TOPAZ1: variants seen among roughly 807,000 people sequenced by gnomAD.
TOPAZ1 encodes the protein protein TOPAZ1.
Under a neutral mutation model 172.2 loss-of-function variants are expected in TOPAZ1, and 66 were observed. That is an observed-to-expected ratio of 0.38 (90% CI 0.31 to 0.47). The LOEUF is 0.47. TOPAZ1 is among the 20% of genes least tolerant of loss of function. The probability of loss-of-function intolerance (pLI) is 0.99; values close to 1 mark genes in which losing one functional copy is unlikely to be tolerated. For synonymous variants in TOPAZ1, 681 were observed against 683.9 expected, an observed-to-expected ratio of 1.00 and a Z score of 0.07; for missense variants, 1,822 against 1,972.4, an observed-to-expected ratio of 0.92 and a Z score of 1.44.
chr3:44,307,985 C>T (rs941606670), intron 15 of TOPAZ1, among the ~76,000 whole-genome samples: 1 of 152,060 alleles, frequency 6.6e-6, no homozygotes, highest in Non-Finnish European at 1.5e-5. Context: ...TATAAAAATT[C>T]AGACTGGGCC....
At chr3:44,260,961 G>A (rs908485273) in intron 4 of TOPAZ1, among the ~76,000 whole-genome samples, 8 of 151,894 alleles carry the variant, frequency 5.3e-5, no homozygotes, top group African/African-American at 1.9e-4. Context: ...AAAGTTTTAT[G>A]TGTAGATCTG....
intron 16 of TOPAZ1, among the ~76,000 whole-genome samples, chr3:44,314,516 A>G (rs1462844592): frequency 6.6e-6 from 1 of 152,118 alleles, no homozygotes; most frequent in East Asian, 1.9e-4. Flanking sequence ...AGGAATTCCA[A>G]TCCAGGTCTA....
rs1700096614 is a variant in TOPAZ1 at position 44,287,852 on chromosome 3, T to G, written c.3681+13T>G. On this transcript the variant is annotated intron_variant, in intron 11 of 19. Coordinates refer to ENST00000309765, the MANE Select transcript of TOPAZ1 (RefSeq NM_001145030.2). ...TATCTTTTGCAAGGTATGGTTTTAT[T>G]TTCTCTTTTATTCTCTGATGGCGAG... 2 of 1,299,712 alleles carry G rather than the reference T, an allele frequency of 1.5e-6. No homozygotes were observed. Among genetic ancestry groups the G allele is most frequent in the South Asian group, 2.8e-5 (2 of 71,640 alleles). 80.5% of individuals were successfully genotyped at this position (1,299,712 alleles called of 1,614,324 possible). A position where few individuals can be genotyped will look rare whatever the true frequency, so the allele number is the denominator to read the frequency against.
At chr3:44,319,569 A>G (rs1287854374) in intron 16 of TOPAZ1, among the ~76,000 whole-genome samples, 1 of 152,226 alleles carries the variant, frequency 6.6e-6, no homozygotes, top group East Asian at 1.9e-4. Flanking sequence ...TTTAATGGGA[A>G]TTATGTTTAA....
At chr3:44,302,132 T>C (rs1367954810) in intron 12 of TOPAZ1, among the ~76,000 whole-genome samples, 1 of 152,188 alleles carries the variant, frequency 6.6e-6, no homozygotes, top group East Asian at 1.9e-4. Flanking sequence ...CCATCTTGGC[T>C]GGGCGTGGTG....
Position 44,241,947 on chromosome 3 carries a change from G to C in TOPAZ1, c.-107G>C. The C allele has an allele frequency of 1.9e-6, 2 of 1,031,686 alleles. No individual in the cohort carries two copies. Among genetic ancestry groups the C allele is most frequent in the Non-Finnish European group, 2.8e-6 (2 of 721,526 alleles). The allele number at this position is 1,031,686 out of a possible 1,614,324, so 63.9% of individuals were successfully genotyped here. A position where few individuals can be genotyped will look rare whatever the true frequency, so the allele number is the denominator to read the frequency against. ...CGGGCTGTGGTGACTGGCGGTGTGG[G>C]GTGGGTCAGAGGGCAGTAGGTACCT... On this transcript the variant is annotated 5_prime_UTR_variant, in exon 1 of 20. Coordinates refer to ENST00000309765, the MANE Select transcript of TOPAZ1 (RefSeq NM_001145030.2).
intron 8 of TOPAZ1, among the ~76,000 whole-genome samples, chr3:44,279,281 T>C (rs1340517385): frequency 6.6e-6 from 1 of 152,202 alleles, no homozygotes; most frequent in African/African-American, 2.4e-5. Flanking sequence ...ATGAGAAGAA[T>C]GTGTGTTCTG....
chr3:44,324,489 G>T (rs951414658), intron 18 of TOPAZ1, among the ~76,000 whole-genome samples: 2 of 151,968 alleles, frequency 1.3e-5, no homozygotes, highest in African/African-American at 4.8e-5. Flanking sequence ...CTGTGCAACT[G>T]GGGGGAGATG....
At position 44,244,750 on chromosome 3, in the gene TOPAZ1, A is replaced by T. The variant is rs1699540720; in HGVS notation, c.2244A>T (p.Arg748=). The part of the protein sequence containing the change: ...MMLGPQTLSI[R]NSVTPVQASS... Reference sequence around the variant, plus strand: ...TAGGACCTCAAACTTTGAGCATACGAAATAGTGTAACTCCAGTGCAAGCTA... The same window carrying T: ...TAGGACCTCAAACTTTGAGCATACGTAATAGTGTAACTCCAGTGCAAGCTA... Residue 748 remains arginine (R), a synonymous_variant, in exon 2 of 20, where the codon CGA becomes CGT. Transcript: ENST00000309765. 2.6e-6 allele frequency: 4 copies of T among 1,551,502 alleles called. No individual in the cohort carries two copies. Among genetic ancestry groups the T allele is most frequent in the Non-Finnish European group, 3.5e-6 (4 of 1,146,988 alleles).
chr3:44,260,730 A>T (rs1699766043), intron 4 of TOPAZ1, among the ~76,000 whole-genome samples: 1 of 151,990 alleles, frequency 6.6e-6, no homozygotes, highest in Non-Finnish European at 1.5e-5. Context: ...CCTCCAAATT[A>T]TATACTCATT....
At chr3:44,283,029 C>T (rs1453386263) in intron 9 of TOPAZ1, among the ~76,000 whole-genome samples, 4 of 151,936 alleles carry the variant, frequency 2.6e-5, no homozygotes, top group Admixed American at 2.6e-4. Context: ...GAAATAATTC[C>T]ATAACATGAG....
At chr3:44,296,997 C>T (rs576857751) in intron 12 of TOPAZ1, among the ~76,000 whole-genome samples, 1 of 151,064 alleles carries the variant, frequency 6.6e-6, no homozygotes, top group East Asian at 1.9e-4. Context: ...CATGGTGAAA[C>T]CCCGTCTCTA....
downstream of TOPAZ1, among the ~76,000 whole-genome samples, chr3:44,334,275 C>G (rs1055576393): frequency 2.0e-5 from 3 of 152,134 alleles, no homozygotes; most frequent in East Asian, 5.8e-4. Context: ...TTGACCCTTT[C>G]GAATCCCCCA....
At chr3:44,332,801 T>G (rs114539381), downstream of TOPAZ1, among the ~76,000 whole-genome samples, 1 of 148,610 alleles carries the variant, frequency 6.7e-6, no homozygotes, top group Non-Finnish European at 1.5e-5. Flanking sequence ...ACTGAAAGTT[T>G]TTTTTTTTTT....
chr3:44,281,897 G>T, intron 8 of TOPAZ1, 71 bp from the exon 9 acceptor site: 1 of 916,258 alleles, frequency 1.1e-6, no homozygotes. Context: ...CAAAAAGATA[G>T]GATTGAAATG....
chr3:44,271,471 T>C (rs575944721), intron 8 of TOPAZ1, among the ~76,000 whole-genome samples: 1 of 152,326 alleles, frequency 6.6e-6, no homozygotes, highest in South Asian at 2.1e-4. Flanking sequence ...TTCTATGGGA[T>C]TCTTTTTCTT....
At chr3:44,258,206 C>G (rs1171957920) in intron 4 of TOPAZ1, among the ~76,000 whole-genome samples, 1 of 152,176 alleles carries the variant, frequency 6.6e-6, no homozygotes, top group Non-Finnish European at 1.5e-5. Context: ...TCCATAAATA[C>G]TGTTTCAGCA....
intron 4 of TOPAZ1, among the ~76,000 whole-genome samples, chr3:44,260,470 C>G (rs1239556087): frequency 2.0e-5 from 3 of 151,778 alleles, no homozygotes; most frequent in Non-Finnish European, 4.4e-5. Flanking sequence ...TTAGAGAAAC[C>G]CTTCCCCATC....
intron 12 of TOPAZ1, among the ~76,000 whole-genome samples, chr3:44,291,298 C>T (rs1404235239): frequency 6.8e-6 from 1 of 147,898 alleles, no homozygotes; most frequent in African/African-American, 2.6e-5. Context: ...TGTGGGCCTC[C>T]AAAGACCTTT....
Sources: allele counts gnomAD v4.1 joint callset (sites outside exome capture counted in the v4.1 genomes callset), GRCh38; gene constraint gnomAD v4.1.1; transcripts MANE v1.5; gene names NCBI Gene and HGNC (gene_info 2026-07-23, HGNC 2026-07-21).